Variants in ERBB4 observed in about 807,000 individuals in gnomAD.
ERBB4 encodes the protein erb-b2 receptor tyrosine kinase 4.
ERBB4 carries 42 observed loss-of-function variants against 158.0 expected under a neutral mutation model. The observed-to-expected ratio is 0.27, with a 90% CI of 0.21 to 0.34. The LOEUF is 0.34. Among genes scored for constraint, ERBB4 ranks in the 10% least tolerant of loss-of-function variants. The probability of loss-of-function intolerance (pLI) is 1.00; values close to 1 mark genes in which losing one functional copy is unlikely to be tolerated. For synonymous variants in ERBB4, 583 were observed against 558.7 expected (o/e 1.04, Z -0.61); for missense variants, 1,333 against 1,624.1 (o/e 0.82, Z 3.08).
At chr2:212,044,945 C>T (rs759503503) in intron 2 of ERBB4, among the ~76,000 whole-genome samples, 130 of 151,838 alleles carry the variant, frequency 8.6e-4, no homozygotes, top group Admixed American at 2.5e-3. Context: ...CAGCAATAGG[C>T]TCAAAGATCT....
At chr2:212,370,093 C>A (rs1317314063) in intron 1 of ERBB4, among the ~76,000 whole-genome samples, 3 of 151,978 alleles carry the variant, frequency 2.0e-5, no homozygotes, top group African/African-American at 4.8e-5. Context: ...TGCAATAATC[C>A]CCCCACCTGT....
chr2:212,334,686 C>A (rs1350581966), intron 1 of ERBB4, among the ~76,000 whole-genome samples: 1 of 151,940 alleles, frequency 6.6e-6, no homozygotes, highest in Non-Finnish European at 1.5e-5. Context: ...ATATGGCAGA[C>A]ATTCAATAAT....
chr2:212,264,557 T>A (rs1241758491), intron 1 of ERBB4, among the ~76,000 whole-genome samples: 2 of 152,136 alleles, frequency 1.3e-5, no homozygotes, highest in African/African-American at 4.8e-5. Flanking sequence ...GAGGTCCTGG[T>A]CAAAATTATC....
intron 1 of ERBB4, among the ~76,000 whole-genome samples, chr2:212,486,188 G>C (rs1158589121): frequency 1.3e-5 from 2 of 151,944 alleles, no homozygotes; most frequent in Non-Finnish European, 2.9e-5. Flanking sequence ...TAATAATAAA[G>C]AGATAAAAAC....
intron 20 of ERBB4, among the ~76,000 whole-genome samples, chr2:211,447,523 A>G (rs2064142373): frequency 6.6e-6 from 1 of 152,198 alleles, no homozygotes; most frequent in African/African-American, 2.4e-5. Context: ...TTCTGGCAAA[A>G]TAATGTAAAG....
chr2:212,369,097 T>A (rs1239476112), intron 1 of ERBB4, among the ~76,000 whole-genome samples: 1 of 152,192 alleles, frequency 6.6e-6, no homozygotes. Flanking sequence ...ACAAACTAAA[T>A]GTGGTCTATT....
intron 2 of ERBB4, among the ~76,000 whole-genome samples, chr2:212,043,112 C>A (rs768293400): frequency 1.3e-5 from 2 of 152,080 alleles, no homozygotes; most frequent in Non-Finnish European, 2.9e-5. Context: ...ACTGTTAGTA[C>A]CTTTATGCTT....
At chr2:212,172,642 G>T (rs2081552225) in intron 1 of ERBB4, among the ~76,000 whole-genome samples, 1 of 152,250 alleles carries the variant, frequency 6.6e-6, no homozygotes, top group East Asian at 1.9e-4. Flanking sequence ...GAATATGGAT[G>T]GAGCTGGAGG....
chr2:212,462,933 T>C (rs1688648426), intron 1 of ERBB4, among the ~76,000 whole-genome samples: 1 of 152,114 alleles, frequency 6.6e-6, no homozygotes, highest in South Asian at 2.1e-4. Context: ...TAAAAAAGAA[T>C]GAAATCTGTC....
intron 20 of ERBB4, among the ~76,000 whole-genome samples, chr2:211,528,542 G>C (rs2125655902): frequency 6.6e-6 from 1 of 152,008 alleles, no homozygotes; most frequent in East Asian, 1.9e-4. Context: ...TTAATCCAAT[G>C]GTTGCAGAAT....
At chr2:211,910,667 A>T (rs1432669630) in intron 3 of ERBB4, among the ~76,000 whole-genome samples, 1 of 151,630 alleles carries the variant, frequency 6.6e-6, no homozygotes, top group Non-Finnish European at 1.5e-5. Flanking sequence ...TGTACAACAA[A>T]CCCCCATGGG....
intron 3 of ERBB4, among the ~76,000 whole-genome samples, chr2:211,832,504 TA>T (rs1007895596): frequency 6.6e-6 from 1 of 151,988 alleles, no homozygotes; most frequent in Non-Finnish European, 1.5e-5. Flanking sequence ...GCATTAAAGA[TA>T]AAAACTCTCC....
chr2:212,291,732 A>G (rs934934807), intron 1 of ERBB4, among the ~76,000 whole-genome samples: 6 of 152,098 alleles, frequency 3.9e-5, no homozygotes, highest in African/African-American at 1.2e-4. Context: ...AATATTTATA[A>G]CCATATACTA....
chr2:211,394,646 AATC>A (rs1163174786), intron 25 of ERBB4, among the ~76,000 whole-genome samples: 2 of 152,132 alleles, frequency 1.3e-5, no homozygotes, highest in African/African-American at 4.8e-5. Flanking sequence ...ACAGAAATGA[AATC>A]ATCAAGCCTT....
At chr2:212,224,773 A>G (rs2083417921) in intron 1 of ERBB4, among the ~76,000 whole-genome samples, 1 of 152,100 alleles carries the variant, frequency 6.6e-6, no homozygotes, top group Admixed American at 6.6e-5. Context: ...GAATTTGGAA[A>G]AGATGCAAGG....
At chr2:212,486,783 A>G (rs1690004895) in intron 1 of ERBB4, among the ~76,000 whole-genome samples, 1 of 152,170 alleles carries the variant, frequency 6.6e-6, no homozygotes, top group Non-Finnish European at 1.5e-5. Flanking sequence ...TCAGGACCAC[A>G]GTTACCTTGT....
chr2:211,885,816 A>T (rs1169125109), intron 3 of ERBB4, among the ~76,000 whole-genome samples: 1 of 152,168 alleles, frequency 6.6e-6, no homozygotes, highest in Non-Finnish European at 1.5e-5. Context: ...TAAGGGAAGC[A>T]ATATCAGTTT....
intron 19 of ERBB4, among the ~76,000 whole-genome samples, chr2:211,566,268 T>C (rs150215026): frequency 2.2e-4 from 34 of 152,226 alleles, no homozygotes; most frequent in African/African-American, 7.5e-4. Flanking sequence ...ACCTCTCCAA[T>C]GGCTCAGAGA....
intron 5 of ERBB4, among the ~76,000 whole-genome samples, chr2:211,739,444 C>G (rs1240897928): frequency 1.3e-5 from 2 of 152,094 alleles, no homozygotes; most frequent in Non-Finnish European, 2.9e-5. Flanking sequence ...CAAGGTTATT[C>G]TTTTCAAACA....
Sources: allele counts gnomAD v4.1 joint callset (sites outside exome capture counted in the v4.1 genomes callset), GRCh38; gene constraint gnomAD v4.1.1; transcripts MANE v1.5; gene names NCBI Gene and HGNC (gene_info 2026-07-23, HGNC 2026-07-21).